NMNAT2: variants seen among roughly 807,000 people sequenced by gnomAD.
NMNAT2 encodes the protein nicotinamide/nicotinic acid mononucleotide adenylyltransferase 2.
NMNAT2 carries 11 observed loss-of-function variants against 41.6 expected under a neutral mutation model. The ratio of observed to expected loss-of-function variants is 0.26; its 90% CI spans 0.17 to 0.44. The LOEUF (loss-of-function observed/expected upper bound fraction) is 0.44. NMNAT2 is among the 20% of genes least tolerant of loss of function. The pLI is 1.00. For missense variants in NMNAT2, 288 were observed against 407.7 expected (o/e 0.71, Z 2.53); for synonymous variants, 148 against 151.2 (o/e 0.98, Z 0.16).
At chr1:183,290,102 G>T in intron 4 of NMNAT2, 26 bp downstream of exon 4, 1 of 1,546,726 alleles carries the variant, frequency 6.5e-7, no homozygotes, top group Non-Finnish European at 8.8e-7. Context: ...GGTGGTTCAC[G>T]CATCCCCAGG....
chr1:183,418,037 G>T, intron 1 of NMNAT2, 146 bp downstream of exon 1: 1 of 729,462 alleles, frequency 1.4e-6, no homozygotes, highest in Non-Finnish European at 2.3e-6. Flanking sequence ...AGTCCAAAAT[G>T]AAGGGGCCGA....
At position 183,358,981 on chromosome 1, in the gene NMNAT2, C is replaced by G. The variant is rs143267156; in HGVS notation, c.85+59202G>C. 3.9e-4 allele frequency among the ~76,000 whole-genome samples: 59 copies of G among 152,226 alleles called. 2 individuals carry two copies. In the East Asian group the frequency reaches 0.011, roughly 27 times the overall value. On this transcript the variant is annotated intron_variant, in intron 1 of 10. Coordinates refer to ENST00000287713, the MANE Select transcript of NMNAT2 (RefSeq NM_015039.4). ...GATTTGAAGAAAGTTTGAGCAGATA[C>G]GCCAACAGAAAACAGCTGGACAGAT...
chr1:183,404,417 G>C (rs561691418), intron 1 of NMNAT2, among the ~76,000 whole-genome samples: 1 of 152,180 alleles, frequency 6.6e-6, no homozygotes, highest in Non-Finnish European at 1.5e-5. Context: ...CACTTAGCTA[G>C]CCTGTGCCAT....
chr1:183,297,476 G>A (rs138305154), intron 1 of NMNAT2, among the ~76,000 whole-genome samples: 13,107 of 150,954 alleles, frequency 0.087, 664 homozygotes, highest in East Asian at 0.13. Flanking sequence ...TCTGCCTCCC[G>A]GGTTCAAGCG....
rs544736762 is a variant in NMNAT2 at position 183,407,467 on chromosome 1, A to G, written c.85+10716T>C. ...CTTGTCTTTTTTTTTCTGAGCATCT[A>G]TTTTGCCTAGATGTTGAGATTCTGA... On this transcript the variant is annotated intron_variant, in intron 1 of 10. Coordinates refer to ENST00000287713, the MANE Select transcript of NMNAT2 (RefSeq NM_015039.4). 2.6e-4 allele frequency among the ~76,000 whole-genome samples: 40 copies of G among 151,488 alleles called. No homozygotes were observed. In the South Asian group the frequency reaches 8.3e-3, roughly 32 times the overall value.
chr1:183,387,405 T>C (rs1411010393), intron 1 of NMNAT2, among the ~76,000 whole-genome samples: 1 of 152,220 alleles, frequency 6.6e-6, no homozygotes, highest in African/African-American at 2.4e-5. Context: ...TTGGGCCATT[T>C]ACCATTGAGG....
At chr1:183,296,861 T>G (rs1399728443) in intron 1 of NMNAT2, among the ~76,000 whole-genome samples, 1 of 152,114 alleles carries the variant, frequency 6.6e-6, no homozygotes, top group Non-Finnish European at 1.5e-5. Flanking sequence ...TGTTTTCAGA[T>G]CTTATTCTGA....
At chr1:183,323,172 TC>T (rs1662388258) in intron 1 of NMNAT2, among the ~76,000 whole-genome samples, 1 of 152,172 alleles carries the variant, frequency 6.6e-6, no homozygotes, top group Non-Finnish European at 1.5e-5. Context: ...CCTCAGGTGA[TC>T]CACCCGCCTC....
At chr1:183,373,272 A>G (rs981087331) in intron 1 of NMNAT2, among the ~76,000 whole-genome samples, 3 of 152,224 alleles carry the variant, frequency 2.0e-5, no homozygotes, top group Admixed American at 6.5e-5. Flanking sequence ...GCTCTCTTTA[A>G]AAGTCGGTAT....
At chr1:183,373,214 G>A (rs907821874) in intron 1 of NMNAT2, among the ~76,000 whole-genome samples, 1 of 152,182 alleles carries the variant, frequency 6.6e-6, no homozygotes, top group African/African-American at 2.4e-5. Flanking sequence ...TCATTTCCTG[G>A]TACTTTAACA....
chr1:183,371,112 C>G (rs1464464851), intron 1 of NMNAT2, among the ~76,000 whole-genome samples: 1 of 152,184 alleles, frequency 6.6e-6, no homozygotes, highest in Middle Eastern at 3.2e-3. Flanking sequence ...TATATGCGGA[C>G]AGACTGATTT....
chr1:183,357,961 C>T (rs61811643), intron 1 of NMNAT2, among the ~76,000 whole-genome samples: 3,144 of 152,150 alleles, frequency 0.021, 105 homozygotes, highest in African/African-American at 0.069. Context: ...TATAAAGATG[C>T]ATGCACACGT....
At chr1:183,340,994 C>A (rs1162094071) in intron 1 of NMNAT2, among the ~76,000 whole-genome samples, 1 of 152,246 alleles carries the variant, frequency 6.6e-6, no homozygotes, top group African/African-American at 2.4e-5. Context: ...TGAGAGGAGG[C>A]AACACCCGTC....
chr1:183,258,625 G>A (rs549382436), intron 10 of NMNAT2, among the ~76,000 whole-genome samples: 1 of 152,150 alleles, frequency 6.6e-6, no homozygotes, highest in South Asian at 2.1e-4. Context: ...TTAGCCACAA[G>A]GTTAGAAATT....
At chr1:183,274,897 A>G (rs999928248) in intron 8 of NMNAT2, among the ~76,000 whole-genome samples, 1 of 152,140 alleles carries the variant, frequency 6.6e-6, no homozygotes, top group Non-Finnish European at 1.5e-5. Flanking sequence ...CTTTCCCTAC[A>G]ATAGGAAGAT....
At chr1:183,337,124 G>A (rs1662690807) in intron 1 of NMNAT2, among the ~76,000 whole-genome samples, 1 of 152,092 alleles carries the variant, frequency 6.6e-6, no homozygotes, top group Non-Finnish European at 1.5e-5. Context: ...TGGTTACACA[G>A]GTGTATTTGT....
intron 1 of NMNAT2, among the ~76,000 whole-genome samples, chr1:183,386,123 A>G (rs1255939829): frequency 6.6e-6 from 1 of 152,198 alleles, no homozygotes; most frequent in South Asian, 2.1e-4. Flanking sequence ...ACTCTACTAC[A>G]GCATAGTATT....
At chr1:183,410,149 A>T (rs1048562388) in intron 1 of NMNAT2, among the ~76,000 whole-genome samples, 13 of 130,742 alleles carry the variant, frequency 9.9e-5, no homozygotes, top group African/African-American at 3.3e-4. Context: ...TCTCTACAAA[A>T]ATAATACCAA....
intron 7 of NMNAT2, 154 bp downstream of exon 7, chr1:183,283,829 TAACTACGAATGC>T (rs1038164404): frequency 1.4e-6 from 1 of 700,072 alleles, no homozygotes; most frequent in African/African-American, 1.8e-5. Flanking sequence ...TAAAGGGAGC[TAACTACGAATGC>T]AATCTTAGCC....
Sources: gnomAD v4.1 joint callset for allele counts (sites outside exome capture counted in the v4.1 genomes callset) on GRCh38, gnomAD v4.1.1 for gene constraint, MANE v1.5 for transcripts, NCBI Gene and HGNC (gene_info 2026-07-23, HGNC 2026-07-21) for gene names.